Variants in MTMR4 observed in about 807,000 individuals in gnomAD.
MTMR4 encodes the protein phosphatidylinositol-3,5-bisphosphate 3-phosphatase MTMR4.
A neutral mutation model predicts 125.5 loss-of-function variants in MTMR4; 30 were observed. That is an observed-to-expected ratio of 0.24 (90% CI 0.18 to 0.32). MTMR4 has a LOEUF of 0.32. MTMR4 is among the 10% of genes least tolerant of loss of function. MTMR4 has a pLI of 1.00. For synonymous variants in MTMR4, 498 were observed against 564.5 expected, an observed-to-expected ratio of 0.88 and a Z score of 1.67; for missense variants, 1,039 against 1,511.5, an observed-to-expected ratio of 0.69 and a Z score of 5.18.
At chr17:58,509,576 G>A (rs922773087) in intron 4 of MTMR4, among the ~76,000 whole-genome samples, 56 of 151,716 alleles carry the variant, frequency 3.7e-4, no homozygotes, top group African/African-American at 1.3e-3. Context: ...GCACCACCAC[G>A]TCTGGCTAAC....
intron 14 of MTMR4, among the ~76,000 whole-genome samples, chr17:58,497,654 C>A (rs188302284): frequency 6.6e-6 from 1 of 152,096 alleles, no homozygotes; most frequent in East Asian, 1.9e-4. Context: ...TATTTGAATC[C>A]CCAGCGCCTA....
Position 58,512,495 on chromosome 17 carries a change from T to A in MTMR4, c.147A>T (p.Thr49=). 1.9e-6 allele frequency: 3 copies of A among 1,613,734 alleles called. No homozygotes were observed. Among genetic ancestry groups the A allele is most frequent in the Non-Finnish European group, 2.5e-6 (3 of 1,179,664 alleles). The change falls in exon 3 of 18, where the codon ACA becomes ACT. Residue 49 remains threonine, a synonymous_variant. Coordinates refer to ENST00000682306, the MANE Select transcript of MTMR4 (RefSeq NM_001378067.1). This position sits in a 1 kb window ranked among gnomAD's most constrained non-coding sequence, Gnocchi z 4.1. ...ACTCTACTCCCTCACCCTGCAGCAC[T>A]GTGAAGGGGACCTGTCAAGGGGCAG... ...KEEENLQVPF[T]VLQGEGVEFL... is the part of the protein sequence containing the mutation.
At position 58,495,379 on chromosome 17, in the gene MTMR4, C is replaced by T. The variant is rs765065318; in HGVS notation, c.2805G>A (p.Glu935=). The change falls in exon 15 of 18, where the codon GAG becomes GAA. Residue 935 remains glutamate (E), a synonymous_variant. Transcript: ENST00000682306. The part of the protein sequence containing the change: ...QGMVTSFPSG[E]ATPRRLLSYG... ...AGGAAAGCAGCCGCCGAGGGGTGGC[C>T]TCCCCACTTGGGAATGAAGTCACCA... 7 of 1,614,100 alleles carry T rather than the reference C, an allele frequency of 4.3e-6. No individual in the cohort carries two copies. In the Admixed American group the frequency reaches 1.2e-4, roughly 27 times the overall value.
At chr17:58,506,678 AC>A (rs1353314930) in intron 9 of MTMR4, 64 bp downstream of exon 9, 4 of 1,586,286 alleles carry the variant, frequency 2.5e-6, no homozygotes, top group Non-Finnish European at 3.4e-6. Context: ...ATGGCCCCCA[AC>A]CCCCTCCTCA....
At chr17:58,500,781 T>G (rs927817549) in intron 14 of MTMR4, among the ~76,000 whole-genome samples, 7 of 149,450 alleles carry the variant, frequency 4.7e-5, no homozygotes, top group Non-Finnish European at 1.0e-4. Context: ...AGAATTGCTC[T>G]CTCTAGTTGT....
At chr17:58,500,485 C>T (rs776003959) in intron 14 of MTMR4, among the ~76,000 whole-genome samples, 2 of 148,948 alleles carry the variant, frequency 1.3e-5, no homozygotes, top group Non-Finnish European at 3.0e-5. Flanking sequence ...TCTAGTTGGC[C>T]GGGTCTGGTA....
intron 15 of MTMR4, among the ~76,000 whole-genome samples, chr17:58,493,745 C>CAA (rs573665549): frequency 7.7e-6 from 1 of 129,816 alleles, no homozygotes; most frequent in African/African-American, 2.8e-5. Flanking sequence ...TGGCCTTTTA[C>CAA]AAAAAAAAAA....
rs746680689 is a variant in MTMR4 at position 58,491,690 on chromosome 17, C to T, written c.3603G>A (p.Lys1201=). 3.1e-6 allele frequency: 5 copies of T among 1,613,990 alleles called. No homozygotes were observed. In the Admixed American group the frequency reaches 8.3e-5, roughly 27 times the overall value. The change falls in exon 18 of 18, where the codon AAG becomes AAA. Residue 1201 remains lysine (K), a synonymous_variant. Coordinates refer to ENST00000682306, the MANE Select transcript of MTMR4 (RefSeq NM_001378067.1). ...RARELMSQQL[K]KPIATASS is the part of the protein sequence containing the mutation. ...AACTGGAAGCTGTAGCAATGGGTTT[C>T]TTCAGCTGTTGGCTCATGAGTTCCC...
In MTMR4 at chr17:58,506,856, G is replaced by A. The variant is rs201603123; in HGVS notation, c.920C>T (p.Ala307Val). Residue 307 changes from alanine to valine, a missense_variant, in exon 9 of 18, where the codon GCG becomes GTG. By Grantham distance (64) the Ala-to-Val change is moderately conservative. Transcript: ENST00000682306. Reference sequence around the variant, plus strand: ...TGCTGTGCTCTCCACTCCAGAGCACGCAGTCAGAGAAGAATCTAAACACAC... The same window carrying A: ...TGCTGTGCTCTCCACTCCAGAGCACACAGTCAGAGAAGAATCTAAACACAC... Reference protein sequence around the residue: ...CDADFDSSLTACSGVESTAAP... With the variant: ...CDADFDSSLTVCSGVESTAAP... 17 of 1,612,242 alleles carry A rather than the reference G, an allele frequency of 1.1e-5. No homozygotes were observed. The highest frequency in any genetic ancestry group is 1.3e-5 in the African/African-American group (1 of 74,902).
In MTMR4 at chr17:58,495,058, G is replaced by A. The variant is rs758046781; in HGVS notation, c.3126C>T (p.Ile1042=). Residue 1042 remains isoleucine, a synonymous_variant, in exon 15 of 18, where the codon ATC becomes ATT. Coordinates refer to ENST00000682306, the MANE Select transcript of MTMR4 (RefSeq NM_001378067.1). ...CCACCTCTTGTTTGTACCCTGCTTC[G>A]ATTTGCCGTAACCTATGCTGGATCA... is the stretch of plus-strand genomic sequence containing the variant. ...TDVIQHRLRQ[I]EAGYKQEVEQ... is the part of the protein sequence containing the mutation. The A allele has an allele frequency of 3.7e-6, 6 of 1,614,076 alleles. No homozygotes were observed. The highest frequency in any genetic ancestry group is 2.7e-5 in the African/African-American group (2 of 74,934).
Position 58,491,774 on chromosome 17 carries a change from G to C in MTMR4, c.3519C>G (p.Leu1173=). The C allele has an allele frequency of 6.2e-7, 1 of 1,614,150 alleles. No individual in the cohort carries two copies. The highest frequency in any genetic ancestry group is 8.5e-7 in the Non-Finnish European group (1 of 1,179,998). ...HLKLPIPDQQ[L]YDPVLVCNSC... ...AGTTACAGACGAGAACTGGGTCATAGAGTTGCTGATCAGGAATGGGCAGCT... is the reference window on the plus strand; with the variant it reads ...AGTTACAGACGAGAACTGGGTCATACAGTTGCTGATCAGGAATGGGCAGCT... The change falls in exon 18 of 18, where the codon CTC becomes CTG. Residue 1173 remains leucine (L), a synonymous_variant. Transcript: ENST00000682306.
At chr17:58,501,595 T>C (rs1317582462) in intron 14 of MTMR4, among the ~76,000 whole-genome samples, 2 of 151,460 alleles carry the variant, frequency 1.3e-5, no homozygotes, top group African/African-American at 4.9e-5. Flanking sequence ...AGTATACATA[T>C]ATACACACAT....
intron 14 of MTMR4, among the ~76,000 whole-genome samples, chr17:58,501,737 C>T (rs1386692401): frequency 6.6e-6 from 1 of 151,496 alleles, no homozygotes; most frequent in Non-Finnish European, 1.5e-5. Flanking sequence ...TTCAAAAATA[C>T]TAGCACAAAT....
Position 58,508,434 on chromosome 17 carries a change from G to A in MTMR4, c.593+34C>T, listed in dbSNP as rs763901455. The A allele has an allele frequency of 1.9e-6, 3 of 1,603,390 alleles. No individual in the cohort carries two copies. The highest frequency in any genetic ancestry group is 1.1e-5 in the South Asian group (1 of 90,866). ...TTTATCCAAACACGGAAGTAGTTTG[G>A]TGTGGAAGGTGTTTTGGTCCCCAAC... On this transcript the variant is annotated intron_variant, in intron 6 of 17. Transcript: ENST00000682306. This position sits in a 1 kb window ranked among gnomAD's most constrained non-coding sequence, Gnocchi z 4.8.
At position 58,495,786 on chromosome 17, in the gene MTMR4, G is replaced by A. The variant is rs1975449145; in HGVS notation, c.2398C>T (p.Pro800Ser). 3 of 1,614,016 alleles carry A rather than the reference G, an allele frequency of 1.9e-6. No homozygotes were observed. Reference protein sequence around the residue: ...CNFPESSQNSPTGTPQQAQPD... With the variant: ...CNFPESSQNSSTGTPQQAQPD... ...TGGGCCTGTTGGGGCGTACCTGTAG[G>A]AGAGTTCTGGGAAGACTCAGGAAAA... Residue 800 changes from proline to serine, a missense_variant, in exon 15 of 18, where the codon CCT (proline) becomes TCT (serine). This residue lies in a region of MTMR4 where 619 missense variants were observed against 714.5 expected (regional missense o/e 0.87). Transcript: ENST00000682306.
Position 58,508,485 on chromosome 17 carries a change from G to A in MTMR4, c.576C>T (p.His192=). 6.2e-7 allele frequency: 1 copy of A among 1,614,218 alleles called. No homozygotes were observed. The highest frequency in any genetic ancestry group is 8.5e-7 in the Non-Finnish European group (1 of 1,180,024). The change falls in exon 6 of 18, where the codon CAC becomes CAT. Residue 192 remains histidine, a synonymous_variant. Coordinates refer to ENST00000682306, the MANE Select transcript of MTMR4 (RefSeq NM_001378067.1). The surrounding 1 kb of genome is among the most constrained non-coding windows in gnomAD (Gnocchi z 4.8). ...FDLQNVWRVS[H]INSNYKLCPS... is the part of the protein sequence containing the mutation. ...CCTCTCACTTGTAGTTGCTGTTGAT[G>A]TGTGAGACTCTCCAGACGTTCTGCA...
At chr17:58,498,089 A>G (rs1975519603) in intron 14 of MTMR4, among the ~76,000 whole-genome samples, 1 of 152,066 alleles carries the variant, frequency 6.6e-6, no homozygotes, top group Admixed American at 6.5e-5. Context: ...CTAGCTGGGC[A>G]TGGTGGTGCA....
chr17:58,495,201 T>C lies in MTMR4; in HGVS notation c.2983A>G (p.Met995Val), dbSNP rs754961434. Residue 995 changes from methionine to valine, a missense_variant, in exon 15 of 18, where the codon ATG becomes GTG. By Grantham distance (21) the Met-to-Val change is conservative. Transcript: ENST00000682306. ...TGCTTTGGATGACTGGACAACCACATCTGGTTCTTTCCTCCTGGGCCAGTA... is the reference window on the plus strand; with the variant it reads ...TGCTTTGGATGACTGGACAACCACACCTGGTTCTTTCCTCCTGGGCCAGTA... ...HCTGPGGKNQ[M>V]WLSSHPKQVS... is the part of the protein sequence containing the mutation. 6.2e-7 allele frequency: 1 copy of C among 1,614,222 alleles called. No individual in the cohort carries two copies. The highest frequency in any genetic ancestry group is 8.5e-7 in the Non-Finnish European group (1 of 1,180,042).
rs1437293358 is a variant in MTMR4, at chr17:58,512,511, C to T, written c.136-5G>A. 3.1e-6 allele frequency: 5 copies of T among 1,611,140 alleles called. No homozygotes were observed. Among genetic ancestry groups the T allele is most frequent in the Non-Finnish European group, 4.2e-6 (5 of 1,177,516 alleles). On this transcript the variant is annotated splice_polypyrimidine_tract_variant and splice_region_variant and intron_variant, in intron 2 of 17. Coordinates refer to ENST00000682306, the MANE Select transcript of MTMR4 (RefSeq NM_001378067.1). The surrounding 1 kb of genome is among the most constrained non-coding windows in gnomAD (Gnocchi z 4.1). The stretch of plus-strand genomic sequence containing the variant: ...CTGCAGCACTGTGAAGGGGACCTGT[C>T]AAGGGGCAGAGAAACCTTCAGTCCA...
Sources: gnomAD v4.1 joint callset for allele counts (sites outside exome capture counted in the v4.1 genomes callset) on GRCh38, gnomAD v4.1.1 for gene constraint, gnomAD v4.1.1 regional missense constraint, Gnocchi (gnomAD v3.1) non-coding constraint, MANE v1.5 for transcripts, NCBI Gene and HGNC (gene_info 2026-07-23, HGNC 2026-07-21) for gene names.